CDH13: variants seen among roughly 807,000 people sequenced by gnomAD.
The protein encoded by CDH13 is cadherin 13, also known as cadherin-13.
Under a neutral mutation model 63.8 loss-of-function variants are expected in CDH13, and 24 were observed. The observed-to-expected ratio is 0.38, with a 90% CI of 0.27 to 0.53. The LOEUF is 0.53. Ranked by LOEUF, CDH13 falls within the 20% of genes least tolerant of loss-of-function variation. The pLI, the probability that CDH13 is intolerant of heterozygous loss-of-function variation, is 0.85. For synonymous variants in CDH13, 503 were observed against 355.3 expected, an observed-to-expected ratio of 1.42 and a Z score of -4.67; for missense variants, 1,049 against 903.1, an observed-to-expected ratio of 1.16 and a Z score of -2.07.
intron 6 of CDH13, among the ~76,000 whole-genome samples, chr16:83,346,171 G>C (rs1159458799): frequency 6.6e-6 from 1 of 152,198 alleles, no homozygotes; most frequent in African/African-American, 2.4e-5. Context: ...CGTGTGTGCT[G>C]GAGGGTGTTT....
At chr16:83,068,271 C>T (rs1445578799) in intron 3 of CDH13, among the ~76,000 whole-genome samples, 3 of 152,268 alleles carry the variant, frequency 2.0e-5, no homozygotes, top group African/African-American at 2.4e-5. Flanking sequence ...GTCTAAAAAA[C>T]CCTAAGGTTT....
chr16:83,368,879 C>A (rs1472083035), intron 6 of CDH13, among the ~76,000 whole-genome samples: 3 of 54,946 alleles, frequency 5.5e-5, no homozygotes, highest in East Asian at 4.4e-4. Context: ...TAGTAGTATT[C>A]CATGTTATAT....
chr16:83,394,741 G>A (rs1191828363), intron 6 of CDH13, among the ~76,000 whole-genome samples: 1 of 152,140 alleles, frequency 6.6e-6, no homozygotes, highest in East Asian at 1.9e-4. Context: ...TTACATAGGT[G>A]GATTGAGCCA....
At chr16:83,247,596 A>G (rs988178386) in intron 5 of CDH13, among the ~76,000 whole-genome samples, 1 of 152,078 alleles carries the variant, frequency 6.6e-6, no homozygotes, top group Non-Finnish European at 1.5e-5. Flanking sequence ...TTGATTTATT[A>G]TTTATTTTCC....
intron 5 of CDH13, among the ~76,000 whole-genome samples, chr16:83,252,554 G>A (rs1046093556): frequency 2.4e-4 from 37 of 152,052 alleles, no homozygotes; most frequent in African/African-American, 8.5e-4. Context: ...GGGGGCTTAG[G>A]CTGAGCCAAG....
chr16:82,686,076 CT>C (rs1567626209), intron 1 of CDH13, among the ~76,000 whole-genome samples: 2 of 152,172 alleles, frequency 1.3e-5, no homozygotes, highest in Non-Finnish European at 2.9e-5. Context: ...GATAATCACC[CT>C]TAGCTCCACT....
intron 2 of CDH13, among the ~76,000 whole-genome samples, chr16:82,871,741 C>G (rs1216337753): frequency 6.6e-6 from 1 of 152,150 alleles, no homozygotes; most frequent in Non-Finnish European, 1.5e-5. Flanking sequence ...GCTTTGGAAA[C>G]ACTTGGATCT....
intron 3 of CDH13, among the ~76,000 whole-genome samples, chr16:83,122,285 A>C (rs936643990): frequency 2.0e-5 from 3 of 152,252 alleles, no homozygotes; most frequent in Non-Finnish European, 2.9e-5. Flanking sequence ...TTCCATAGGC[A>C]ACAGTTTCTA....
chr16:83,778,588 A>G (rs939164187), intron 11 of CDH13, among the ~76,000 whole-genome samples: 1 of 152,192 alleles, frequency 6.6e-6, no homozygotes, highest in Non-Finnish European at 1.5e-5. Context: ...TTATCTTAAA[A>G]TAGTATTTCC....
At chr16:82,980,716 C>G (rs767816506) in intron 2 of CDH13, among the ~76,000 whole-genome samples, 14 of 152,174 alleles carry the variant, frequency 9.2e-5, no homozygotes, top group Non-Finnish European at 1.9e-4. Flanking sequence ...AGTCAGAGCC[C>G]TCAAACTGTG....
Position 83,280,219 on chromosome 16 carries a change from A to C in CDH13, c.636+62722A>C, listed in dbSNP as rs115739782. On this transcript the variant is annotated intron_variant, in intron 5 of 13. Coordinates refer to ENST00000567109, the MANE Select transcript of CDH13 (RefSeq NM_001257.5). ...CAGAACTTGTTCCAAAATTGGAGTC[A>C]GTCTTCTCAAACCCTGCTGCTGCTT... is the stretch of plus-strand genomic sequence containing the variant. Among the ~76,000 whole-genome samples, 724 of 152,362 alleles carry C rather than the reference A, an allele frequency of 4.8e-3. 5 individuals are homozygous for C. The highest frequency in any genetic ancestry group is 0.017 in the African/African-American group (690 of 41,588).
At chr16:83,447,048 C>A (rs1207081357) in intron 6 of CDH13, among the ~76,000 whole-genome samples, 2 of 101,216 alleles carry the variant, frequency 2.0e-5, no homozygotes, top group African/African-American at 7.9e-5. Flanking sequence ...ACTGGTCACC[C>A]GTCTTAAAAA....
intron 8 of CDH13, among the ~76,000 whole-genome samples, chr16:83,625,169 CTCATGTGTGTGTGT>C (rs1436832032): frequency 2.0e-5 from 3 of 150,748 alleles, no homozygotes; most frequent in African/African-American, 7.3e-5. Context: ...TGTGTGTGTG[CTCATGTGTGTGTGT>C]GTGCTCATGT....
At chr16:83,412,175 A>G (rs1220417829) in intron 6 of CDH13, among the ~76,000 whole-genome samples, 3 of 152,316 alleles carry the variant, frequency 2.0e-5, no homozygotes, top group Admixed American at 6.5e-5. Flanking sequence ...AAATGTGTCT[A>G]CAAAGGCCAG....
At position 83,386,948 on chromosome 16, in the gene CDH13, T is replaced by G. The variant is rs188969630; in HGVS notation, c.781+41942T>G. Among the ~76,000 whole-genome samples the G allele has an allele frequency of 2.0e-5, 3 of 152,326 alleles. No homozygotes were observed. In the East Asian group the frequency reaches 5.8e-4, roughly 29 times the overall value. On this transcript the variant is annotated intron_variant, in intron 6 of 13. Coordinates refer to ENST00000567109, the MANE Select transcript of CDH13 (RefSeq NM_001257.5). ...TGCATCTAGAAAGCCAAAGTTTCCCTGAAACATCATCTTTAGCTCCCTGCT... is the reference window on the plus strand; with the variant it reads ...TGCATCTAGAAAGCCAAAGTTTCCCGGAAACATCATCTTTAGCTCCCTGCT...
chr16:83,140,212 C>A (rs1259981914), intron 4 of CDH13, among the ~76,000 whole-genome samples: 1 of 152,230 alleles, frequency 6.6e-6, no homozygotes, highest in Non-Finnish European at 1.5e-5. Context: ...AGCCCAGCTC[C>A]ATGGCCGGCC....
chr16:83,138,359 A>T (rs2036388497), intron 4 of CDH13, among the ~76,000 whole-genome samples: 2 of 151,964 alleles, frequency 1.3e-5, no homozygotes, highest in South Asian at 2.1e-4. Flanking sequence ...AAGCGCTGTG[A>T]TGGGGTGCTG....
rs545550812 is a variant in CDH13 at position 82,984,723 on chromosome 16, C to T, written c.158-47287C>T. Among the ~76,000 whole-genome samples the T allele has an allele frequency of 9.9e-5, 15 of 152,238 alleles. No individual in the cohort carries two copies. In the South Asian group the frequency reaches 1.0e-3, roughly 11 times the overall value. On this transcript the variant is annotated intron_variant, in intron 2 of 13. Coordinates refer to ENST00000567109, the MANE Select transcript of CDH13 (RefSeq NM_001257.5). Reference sequence around the variant, plus strand: ...ACTTGCTAAGGTTTGCACAACTAAACGGGATACAGCTGATATTTAAACCTA... The same window carrying T: ...ACTTGCTAAGGTTTGCACAACTAAATGGGATACAGCTGATATTTAAACCTA...
intron 1 of CDH13, among the ~76,000 whole-genome samples, chr16:82,667,005 C>A (rs1246993609): frequency 1.3e-5 from 2 of 152,188 alleles, no homozygotes; most frequent in Admixed American, 1.3e-4. Context: ...CTTTGCCCTA[C>A]TGCTTGCAAG....
Sources: gnomAD v4.1 joint callset for allele counts (sites outside exome capture counted in the v4.1 genomes callset) on GRCh38, gnomAD v4.1.1 for gene constraint, MANE v1.5 for transcripts, NCBI Gene and HGNC (gene_info 2026-07-23, HGNC 2026-07-21) for gene names.